Variants in NUDT9 observed in about 807,000 individuals in gnomAD.
NUDT9 encodes nudix hydrolase 9.
Under a neutral mutation model 41.0 loss-of-function variants are expected in NUDT9, and 31 were observed. The ratio of observed to expected loss-of-function variants is 0.76; its 90% CI spans 0.57 to 1.02. The LOEUF is 1.02. NUDT9 is among the 50% of genes least tolerant of loss of function. NUDT9 has a pLI of 0.00. For synonymous variants in NUDT9, 146 were observed against 147.6 expected (o/e 0.99, Z 0.08); for missense variants, 380 against 431.4 (o/e 0.88, Z 1.06).
intron 5 of NUDT9, among the ~76,000 whole-genome samples, 174 bp from the exon 6 acceptor site, chr4:87,451,415 T>C (rs1414709101): frequency 1.3e-5 from 2 of 152,234 alleles, no homozygotes; most frequent in African/African-American, 4.8e-5. Context: ...TGAGGTATCC[T>C]TATTGGCTCC....
rs1722997612 is a variant in NUDT9 at position 87,456,524 on chromosome 4, C to G, written c.875-1319C>G. 4.6e-5 allele frequency among the ~76,000 whole-genome samples: 7 copies of G among 152,252 alleles called. No individual in the cohort carries two copies. In the South Asian group the frequency reaches 1.5e-3, roughly 32 times the overall value. ...GAGAGGATTTTTCTCCAGTCTTCAC[C>G]TGGTGGCTTTCTTGGAGGTAAAGCT... is the stretch of plus-strand genomic sequence containing the variant. On this transcript the variant is annotated intron_variant, in intron 7 of 7. Coordinates refer to ENST00000302174, the MANE Select transcript of NUDT9 (RefSeq NM_024047.5).
rs1013179113 is a variant in NUDT9 at position 87,434,914 on chromosome 4, C to T, written c.108-67C>T. On this transcript the variant is annotated intron_variant, in intron 1 of 7. Coordinates refer to ENST00000302174, the MANE Select transcript of NUDT9 (RefSeq NM_024047.5). ...GATTACAGGCGTAAGCCACTGCACC[C>T]GGCCTAGGTTCTTTAATTAATATAT... The T allele has an allele frequency of 2.8e-5, 40 of 1,418,994 alleles. No individual in the cohort carries two copies. The South Asian group carries it at 3.0e-4, about 11-fold the overall frequency. 87.9% of individuals were successfully genotyped at this position (1,418,994 alleles called of 1,614,324 possible).
intron 1 of NUDT9, among the ~76,000 whole-genome samples, chr4:87,426,625 T>C (rs1376540534): frequency 1.3e-5 from 2 of 151,932 alleles, no homozygotes; most frequent in Admixed American, 6.6e-5. Flanking sequence ...TTGGCCAGGC[T>C]GTTCTTGAAC....
chr4:87,451,460 A>G (rs1042660086), intron 5 of NUDT9, 129 bp from the exon 6 acceptor site: 3 of 685,160 alleles, frequency 4.4e-6, no homozygotes, highest in Non-Finnish European at 7.1e-6. Context: ...AGAACAGTGT[A>G]TCACAGAGAA....
intron 2 of NUDT9, among the ~76,000 whole-genome samples, chr4:87,437,594 G>A (rs562509792): frequency 3.3e-5 from 5 of 151,986 alleles, no homozygotes; most frequent in East Asian, 2.0e-4. Context: ...TGCCCACCTT[G>A]GCCTCCCAAA....
At chr4:87,452,328 G>A (rs1722762541) in intron 6 of NUDT9, among the ~76,000 whole-genome samples, 1 of 151,990 alleles carries the variant, frequency 6.6e-6, no homozygotes, top group Non-Finnish European at 1.5e-5. Flanking sequence ...TTCACGTTGA[G>A]TACCCATCCA....
rs1723086207 is a variant in NUDT9, at chr4:87,458,559, CTA to C, written c.*540_*541del. ...TTGAAGCTAATTTTGAAAATGGAAA[CTA>C]TGTTTTCTTGACTTTAGAAGCATTA... On this transcript the variant is annotated 3_prime_UTR_variant, in exon 8 of 8. Transcript: ENST00000302174. 1 of 152,094 alleles carries C rather than the reference CTA, an allele frequency of 6.6e-6. No individual in the cohort carries two copies. Among genetic ancestry groups the C allele is most frequent in the African/African-American group, 2.4e-5 (1 of 41,400 alleles). 9.4% of individuals were successfully genotyped at this position (152,094 alleles called of 1,614,324 possible).
chr4:87,437,832 G>A (rs1348434487), intron 2 of NUDT9, among the ~76,000 whole-genome samples: 1 of 152,120 alleles, frequency 6.6e-6, no homozygotes, highest in Non-Finnish European at 1.5e-5. Flanking sequence ...ACTCTGATAA[G>A]AATATTAATC....
chr4:87,457,936 G>A lies in NUDT9; in HGVS notation c.968G>A (p.Ser323Asn). ...AATGATAAACTGAAGCTTTATGCCAGTCACTCTCAATTCATCAAACTTGTG... is the reference window on the plus strand; with the variant it reads ...AATGATAAACTGAAGCTTTATGCCAATCACTCTCAATTCATCAAACTTGTG... ...DINDKLKLYA[S>N]HSQFIKLVAE... Residue 323 changes from serine (S) to asparagine (N), a missense_variant, in exon 8 of 8, where the codon AGT (serine) becomes AAT (asparagine). Ser to Asn is a conservative substitution (Grantham distance 46). Coordinates refer to ENST00000302174, the MANE Select transcript of NUDT9 (RefSeq NM_024047.5). 1 of 1,602,738 alleles carries A rather than the reference G, an allele frequency of 6.2e-7. No individual in the cohort carries two copies. Among genetic ancestry groups the A allele is most frequent in the Non-Finnish European group, 8.5e-7 (1 of 1,176,352 alleles).
intron 2 of NUDT9, among the ~76,000 whole-genome samples, chr4:87,435,622 G>A (rs1721896072): frequency 6.6e-6 from 1 of 151,888 alleles, no homozygotes; most frequent in Non-Finnish European, 1.5e-5. Context: ...AATATTTTTC[G>A]GAAAATTCTC....
intron 5 of NUDT9, 74 bp from the exon 6 acceptor site, chr4:87,451,515 C>T: frequency 8.5e-7 from 1 of 1,172,658 alleles, no homozygotes; most frequent in Non-Finnish European, 1.2e-6. Context: ...AATGTTCACT[C>T]TACTACTCAA....
intron 3 of NUDT9, among the ~76,000 whole-genome samples, chr4:87,439,852 G>A (rs1722123765): frequency 6.6e-6 from 1 of 152,054 alleles, no homozygotes; most frequent in South Asian, 2.1e-4. Context: ...AGAAAGAAGT[G>A]TAAAAATTAG....
At chr4:87,434,089 C>T (rs1418951523) in intron 1 of NUDT9, 2 of 152,198 alleles carry the variant, frequency 1.3e-5, no homozygotes, top group Admixed American at 6.5e-5. Flanking sequence ...GAGTCTCGCT[C>T]TGTCGCCCAG....
intron 4 of NUDT9, among the ~76,000 whole-genome samples, chr4:87,445,075 C>T (rs1433053893): frequency 6.6e-6 from 1 of 152,146 alleles, no homozygotes; most frequent in Non-Finnish European, 1.5e-5. Flanking sequence ...TTAGACTAGT[C>T]TATTCCAGGC....
At chr4:87,442,921 C>T (rs1430548383) in intron 4 of NUDT9, among the ~76,000 whole-genome samples, 1 of 152,106 alleles carries the variant, frequency 6.6e-6, no homozygotes, top group Non-Finnish European at 1.5e-5. Context: ...GGCTGTTTTA[C>T]AGTTAACTTT....
intron 4 of NUDT9, chr4:87,445,311 C>G (rs944053507): frequency 2.2e-4 from 33 of 152,220 alleles, no homozygotes; most frequent in African/African-American, 7.7e-4. Flanking sequence ...TACTTTTTAT[C>G]ATTGTTTTAG....
chr4:87,449,279 T>C, intron 5 of NUDT9, 26 bp downstream of exon 5: 1 of 1,237,212 alleles, frequency 8.1e-7, no homozygotes, highest in Non-Finnish European at 1.2e-6. Flanking sequence ...AAATTAGTGT[T>C]TAAGTTCCTT....
intron 6 of NUDT9, among the ~76,000 whole-genome samples, chr4:87,452,791 T>TA (rs1005571842): frequency 1.1e-4 from 16 of 147,620 alleles, no homozygotes; most frequent in African/African-American, 3.0e-4. Context: ...TGCACACTAA[T>TA]AATAAGAAAA....
intron 1 of NUDT9, 38 bp downstream of exon 1, chr4:87,423,050 AC>A: frequency 6.6e-7 from 1 of 1,518,148 alleles, no homozygotes; most frequent in Non-Finnish European, 9.0e-7. Flanking sequence ...TTTGCCCTAG[AC>A]CTTGAGTTGG....
Sources: allele counts gnomAD v4.1 joint callset (sites outside exome capture counted in the v4.1 genomes callset), GRCh38; gene constraint gnomAD v4.1.1; transcripts MANE v1.5; gene names NCBI Gene and HGNC (gene_info 2026-07-23, HGNC 2026-07-21).